The following IFT80 variants were observed in gnomAD, a reference collection of about 807,000 sequenced individuals.
IFT80 encodes the protein intraflagellar transport 80.
IFT80 carries 79 observed loss-of-function variants against 107.9 expected under a neutral mutation model. The observed-to-expected ratio is 0.73, with a 90% CI of 0.61 to 0.88. The LOEUF (loss-of-function observed/expected upper bound fraction) is 0.88. Ranked by LOEUF, IFT80 falls within the 40% of genes least tolerant of loss-of-function variation. IFT80 has a pLI of 0.00. For synonymous variants in IFT80, 299 were observed against 300.9 expected (o/e 0.99, Z 0.07); for missense variants, 797 against 914.2 (o/e 0.87, Z 1.65).
At chr3:160,259,946 A>G (rs1256191348) in intron 19 of IFT80, among the ~76,000 whole-genome samples, 2 of 152,236 alleles carry the variant, frequency 1.3e-5, no homozygotes, top group East Asian at 3.8e-4. Context: ...AATAAGTAGT[A>G]TTAAAGCAGA....
chr3:160,309,682 C>T (rs1215500781), intron 9 of IFT80, among the ~76,000 whole-genome samples: 23 of 150,208 alleles, frequency 1.5e-4, no homozygotes, highest in Admixed American at 7.9e-4. Flanking sequence ...GCGAGACTCC[C>T]ATCTCAAAAA....
intron 2 of IFT80, 89 bp downstream of exon 2, chr3:160,384,475 A>C: frequency 7.4e-7 from 1 of 1,353,902 alleles, no homozygotes; most frequent in Non-Finnish European, 9.7e-7. Context: ...AAAAAAATCT[A>C]TTCTTCAACT....
At chr3:160,298,603 TTCAGAA>T (rs1264937588) in intron 12 of IFT80, among the ~76,000 whole-genome samples, 1 of 150,954 alleles carries the variant, frequency 6.6e-6, no homozygotes, top group African/African-American at 2.5e-5. Context: ...TTCAGAAAAT[TTCAGAA>T]TGTGTTCAGT....
Position 160,377,532 on chromosome 3 carries a change from G to T in IFT80, c.268C>A (p.His90Asn). ...FVLTSSDGKF[H>N]LISKLGRVEK... Reference sequence around the variant, plus strand: ...ACTCTTCCTAACTTGGAAATCAGATGAAATTTACCTGAAAGAAATTACATT... The same window carrying T: ...ACTCTTCCTAACTTGGAAATCAGATTAAATTTACCTGAAAGAAATTACATT... Residue 90 changes from histidine to asparagine, a missense_variant, in exon 4 of 20, where the codon CAT becomes AAT. By Grantham distance (68) the His-to-Asn change is moderately conservative. Transcript: ENST00000326448. 1 of 1,578,174 alleles carries T rather than the reference G, an allele frequency of 6.3e-7. No homozygotes were observed. The highest frequency in any genetic ancestry group is 1.1e-5 in the South Asian group (1 of 89,790).
intron 5 of IFT80, 59 bp downstream of exon 5, chr3:160,375,753 T>G: frequency 8.5e-7 from 1 of 1,171,700 alleles, no homozygotes; most frequent in Non-Finnish European, 1.3e-6. Flanking sequence ...AAGGAAAACT[T>G]TAAGGCATTT....
At chr3:160,348,703 GATTA>G (rs1166327219) in intron 8 of IFT80, among the ~76,000 whole-genome samples, 1 of 152,110 alleles carries the variant, frequency 6.6e-6, no homozygotes, top group Admixed American at 6.6e-5. Context: ...TCCATTAACT[GATTA>G]ATAAACAAAA....
intron 5 of IFT80, among the ~76,000 whole-genome samples, chr3:160,368,889 C>A (rs1722046059): frequency 6.6e-6 from 1 of 151,862 alleles, no homozygotes; most frequent in Non-Finnish European, 1.5e-5. Context: ...CAAACATCTA[C>A]CCTCAAGGAA....
At chr3:160,336,918 T>C (rs1029828364) in intron 8 of IFT80, among the ~76,000 whole-genome samples, 1 of 152,226 alleles carries the variant, frequency 6.6e-6, no homozygotes, top group African/African-American at 2.4e-5. Flanking sequence ...AGGGCAATTT[T>C]CTATTTGTTC....
chr3:160,319,688 T>A, intron 9 of IFT80, 72 bp downstream of exon 9: 1 of 1,221,496 alleles, frequency 8.2e-7, no homozygotes, highest in Non-Finnish European at 1.2e-6. Flanking sequence ...TTAATGAAGA[T>A]AATTCCATAT....
chr3:160,377,690 G>A (rs1427256333), intron 3 of IFT80, 150 bp from the exon 4 acceptor site: 2 of 476,098 alleles, frequency 4.2e-6, no homozygotes, highest in Non-Finnish European at 7.5e-6. Context: ...TTGGAAAATA[G>A]GCACAAAAAC....
intron 8 of IFT80, among the ~76,000 whole-genome samples, chr3:160,353,026 C>T (rs1236145921): frequency 6.6e-6 from 1 of 152,166 alleles, no homozygotes; most frequent in African/African-American, 2.4e-5. Flanking sequence ...AGGTAACTAT[C>T]TAAAATTGAT....
chr3:160,396,921 T>A (rs1713822476), intron 1 of IFT80, among the ~76,000 whole-genome samples: 1 of 152,246 alleles, frequency 6.6e-6, no homozygotes, highest in Admixed American at 6.5e-5. Context: ...CTGTTTGTTA[T>A]GTTTTCTCAT....
At chr3:160,319,042 C>A (rs1718017138) in intron 9 of IFT80, among the ~76,000 whole-genome samples, 1 of 151,876 alleles carries the variant, frequency 6.6e-6, no homozygotes, top group South Asian at 2.1e-4. Flanking sequence ...TTTTTTTGCC[C>A]TATTGTGTAT....
chr3:160,389,285 TA>T (rs1559975827), intron 1 of IFT80, among the ~76,000 whole-genome samples: 1 of 152,206 alleles, frequency 6.6e-6, no homozygotes, highest in Non-Finnish European at 1.5e-5. Context: ...CTTAGATTTA[TA>T]TAGAAAAATG....
intron 19 of IFT80, among the ~76,000 whole-genome samples, chr3:160,262,114 T>C (rs1373617722): frequency 2.0e-5 from 3 of 152,000 alleles, no homozygotes; most frequent in Non-Finnish European, 4.4e-5. Flanking sequence ...ATGGGAGAGA[T>C]AGGTGAAAAG....
At chr3:160,383,552 AAAT>A (rs1712690561) in intron 2 of IFT80, 1 of 801,230 alleles carries the variant, frequency 1.2e-6, no homozygotes, top group African/African-American at 1.9e-5. Flanking sequence ...GATACAATAA[AAAT>A]AAAATATTAG....
chr3:160,366,030 G>A lies in IFT80; in HGVS notation c.549+13C>T, dbSNP rs1721837171. The A allele has an allele frequency of 6.3e-7, 1 of 1,593,754 alleles. No homozygotes were observed. Among genetic ancestry groups the A allele is most frequent in the African/African-American group, 1.3e-5 (1 of 74,410 alleles). On this transcript the variant is annotated intron_variant, in intron 6 of 19. Transcript: ENST00000326448. ...CAGACCCTGATAACAATTTACAAAT[G>A]ACTGAGAAGTACCTGCAAAACTTTA... is the stretch of plus-strand genomic sequence containing the variant.
intron 18 of IFT80, among the ~76,000 whole-genome samples, chr3:160,271,374 T>C (rs996345476): frequency 3.9e-5 from 6 of 152,204 alleles, no homozygotes; most frequent in Non-Finnish European, 7.4e-5. Flanking sequence ...AACTTCAAAA[T>C]ATGATTTTTG....
chr3:160,348,936 T>C (rs768090903), intron 8 of IFT80, among the ~76,000 whole-genome samples: 2 of 151,968 alleles, frequency 1.3e-5, no homozygotes, highest in Admixed American at 6.6e-5. Context: ...TAGGGAAAAA[T>C]AGGGATTGAC....
Sources: allele counts gnomAD v4.1 joint callset (sites outside exome capture counted in the v4.1 genomes callset), GRCh38; gene constraint gnomAD v4.1.1; transcripts MANE v1.5; gene names NCBI Gene and HGNC (gene_info 2026-07-23, HGNC 2026-07-21).